Variants in MTF1 observed in about 807,000 individuals in gnomAD.
MTF1 encodes the protein MRE-binding transcription factor.
A neutral mutation model predicts 70.4 loss-of-function variants in MTF1; 22 were observed. The observed-to-expected ratio is 0.31, with a 90% CI of 0.22 to 0.45. The LOEUF is 0.45. Ranked by LOEUF, MTF1 falls within the 20% of genes least tolerant of loss-of-function variation. MTF1 has a pLI of 1.00. For synonymous variants in MTF1, 333 were observed against 352.8 expected, an observed-to-expected ratio of 0.94 and a Z score of 0.63; for missense variants, 649 against 922.0, an observed-to-expected ratio of 0.70 and a Z score of 3.83.
In MTF1 at chr1:37,839,997, G is replaced by A. The variant is rs748122022; in HGVS notation, c.570C>T (p.His190=). ...GCTTCTCCTTCGTGTGCACTCGCAC[G>A]TGGATCCTGAGGCTGTAAGAGGTAA... ...AFLTSYSLRI[H]VRVHTKEKPF... is the part of the protein sequence containing the mutation. The change falls in exon 3 of 11, where the codon CAC becomes CAT. Residue 190 remains histidine, a synonymous_variant. Transcript: ENST00000373036. 12 of 1,614,230 alleles carry A rather than the reference G, an allele frequency of 7.4e-6. No homozygotes were observed. Among genetic ancestry groups the A allele is most frequent in the South Asian group, 3.3e-5 (3 of 91,088 alleles).
chr1:37,849,062 C>G (rs927856463), intron 2 of MTF1, among the ~76,000 whole-genome samples: 1 of 152,256 alleles, frequency 6.6e-6, no homozygotes, highest in East Asian at 1.9e-4. Context: ...AATAACTCTC[C>G]TCTTGGAATG....
rs12723620 is a variant in MTF1, at chr1:37,813,251, A to T, written c.*1885T>A. On this transcript the variant is annotated 3_prime_UTR_variant, in exon 11 of 11. Transcript: ENST00000373036. ...AAGATTGCGCCACTGCACTCCAGCC[A>T]GGGCAACAAAAGCAAAACTCTGTCT... The T allele has an allele frequency of 0.48, 72,359 of 151,896 alleles. 18,192 individuals are homozygous for T. Among genetic ancestry groups the T allele is most frequent in the Non-Finnish European group, 0.54 (36,829 of 67,952 alleles). The allele number at this position is 151,896 out of a possible 1,614,324, so 9.4% of individuals were successfully genotyped here. A position where few individuals can be genotyped will look rare whatever the true frequency, so the allele number is the denominator to read the frequency against.
At chr1:37,853,226 C>T (rs1054495820) in intron 2 of MTF1, among the ~76,000 whole-genome samples, 1 of 152,196 alleles carries the variant, frequency 6.6e-6, no homozygotes, top group Non-Finnish European at 1.5e-5. Context: ...GCTTAGACAC[C>T]TCCAATGGTT....
Position 37,843,612 on chromosome 1 carries a change from C to T in MTF1, c.409-3454G>A, listed in dbSNP as rs926627595. Among the ~76,000 whole-genome samples the T allele has an allele frequency of 5.3e-5, 8 of 152,226 alleles. No homozygotes were observed. The East Asian group carries it at 5.8e-4, about 11-fold the overall frequency. ...CATGTTAAAGTAGCAACAGACAATA[C>T]GTAAATGAACCAGCAAGGCTCTGTT... is the stretch of plus-strand genomic sequence containing the variant. On this transcript the variant is annotated intron_variant, in intron 2 of 10. Transcript: ENST00000373036.
intron 7 of MTF1, among the ~76,000 whole-genome samples, chr1:37,825,798 T>C (rs1311266176): frequency 6.6e-6 from 1 of 152,214 alleles, no homozygotes; most frequent in African/African-American, 2.4e-5. Flanking sequence ...CTCTTCCTTG[T>C]GATTTTCTTA....
In MTF1 at chr1:37,815,471, T is replaced by C; in HGVS notation, c.1927A>G (p.Lys643Glu). 1 of 1,600,928 alleles carries C rather than the reference T, an allele frequency of 6.2e-7. No individual in the cohort carries two copies. The highest frequency in any genetic ancestry group is 1.1e-5 in the South Asian group (1 of 89,284). ...TTTCTCCTGCTGGATGCCCGCTCCTTTGCAGAGTCCCGGCATGCACACTGA... is the reference window on the plus strand; with the variant it reads ...TTTCTCCTGCTGGATGCCCGCTCCTCTGCAGAGTCCCGGCATGCACACTGA... Reference protein sequence around the residue: ...QCQCACRDSAKERASSRRKGC... With the variant: ...QCQCACRDSAEERASSRRKGC... The change falls in exon 11 of 11, where the codon AAG becomes GAG. Residue 643 changes from lysine (K) to glutamate (E), a missense_variant. Coordinates refer to ENST00000373036, the MANE Select transcript of MTF1 (RefSeq NM_005955.3). The surrounding 1 kb of genome is among the most constrained non-coding windows in gnomAD (Gnocchi z 4.5).
rs565901335 is a variant in MTF1 at position 37,857,608 on chromosome 1, T to C, written c.51A>G (p.Glu17=). The change falls in exon 2 of 11, where the codon GAA becomes GAG. Residue 17 remains glutamate, a synonymous_variant. Coordinates refer to ENST00000373036, the MANE Select transcript of MTF1 (RefSeq NM_005955.3). ...DNNIIYFEAE[E]DELTPDDKML... ...TTTTATCATCGGGGGTCAGCTCATC[T>C]TCCTCTGCCTCAAAGTAGATGATGT... 6.2e-7 allele frequency: 1 copy of C among 1,614,150 alleles called. No individual in the cohort carries two copies. Among genetic ancestry groups the C allele is most frequent in the South Asian group, 1.1e-5 (1 of 91,084 alleles).
At chr1:37,819,951 CAAAAAAAAAAAAAAAAAAAAAAAA>C (rs766621404) in intron 9 of MTF1, among the ~76,000 whole-genome samples, 3 of 82,682 alleles carry the variant, frequency 3.6e-5, no homozygotes, top group African/African-American at 1.2e-4. Flanking sequence ...GACTCTGACT[CAAAAAAAAAAAAAAAAAAAAAAAA>C]AAAAAAAAAA....
rs1557582340 is a variant in MTF1 at position 37,811,872 on chromosome 1, GGTGCCCCC to G, written c.*3256_*3263del. Reference sequence around the variant, plus strand: ...ACACCACTTCTGTCACCAAACTGGTGGTGCCCCCATGAGACTGGCCAGACCCTGCCAGC... The same window carrying G: ...ACACCACTTCTGTCACCAAACTGGTGATGAGACTGGCCAGACCCTGCCAGC... On this transcript the variant is annotated 3_prime_UTR_variant, in exon 11 of 11. Transcript: ENST00000373036. 6.5e-6 allele frequency: 1 copy of G among 152,674 alleles called. No individual in the cohort carries two copies. Among genetic ancestry groups the G allele is most frequent in the Non-Finnish European group, 1.5e-5 (1 of 68,050 alleles). 9.5% of individuals were successfully genotyped at this position (152,674 alleles called of 1,614,324 possible).
chr1:37,822,767 G>T, intron 8 of MTF1, 51 bp from the exon 9 acceptor site: 1 of 1,351,116 alleles, frequency 7.4e-7, no homozygotes, highest in Non-Finnish European at 1.0e-6. Context: ...AGCCTTAGAT[G>T]AGCCACAAAA....
intron 6 of MTF1, among the ~76,000 whole-genome samples, chr1:37,833,123 T>A (rs1641114193): frequency 6.6e-6 from 1 of 152,204 alleles, no homozygotes; most frequent in African/African-American, 2.4e-5. Context: ...CCTGGTCTCA[T>A]CATTTACAGT....
At chr1:37,856,137 C>G (rs1009923986) in intron 2 of MTF1, among the ~76,000 whole-genome samples, 1 of 150,670 alleles carries the variant, frequency 6.6e-6, no homozygotes, top group Non-Finnish European at 1.5e-5. Flanking sequence ...TTTAGATAAC[C>G]TGCTCTCATT....
chr1:37,848,530 A>T (rs1311031548), intron 2 of MTF1, among the ~76,000 whole-genome samples: 1 of 152,250 alleles, frequency 6.6e-6, no homozygotes, highest in African/African-American at 2.4e-5. Flanking sequence ...ATATAACAGC[A>T]AAATGTTGGC....
rs1640684461 is a variant in MTF1 at position 37,810,033 on chromosome 1, A to G, written c.*5103T>C. ...GCCACCCTCCCCAAATAGGGACTAG[A>G]AAGAGTTCACAGGAAAAGGGAACAG... On this transcript the variant is annotated 3_prime_UTR_variant, in exon 11 of 11. Transcript: ENST00000373036. The G allele has an allele frequency of 6.6e-6, 1 of 152,322 alleles. No individual in the cohort carries two copies. Among genetic ancestry groups the G allele is most frequent in the African/African-American group, 2.4e-5 (1 of 41,420 alleles). 9.4% of individuals were successfully genotyped at this position (152,322 alleles called of 1,614,324 possible).
rs939087275 is a variant in MTF1, at chr1:37,811,082, A to C, written c.*4054T>G. 6.5e-6 allele frequency: 1 copy of C among 152,674 alleles called. No homozygotes were observed. Among genetic ancestry groups the C allele is most frequent in the African/African-American group, 2.4e-5 (1 of 41,456 alleles). The allele number at this position is 152,674 out of a possible 1,614,324, so 9.5% of individuals were successfully genotyped here. ...TGTGATTACAAATATAAAAGTCTAG[A>C]AGGTGCCAGGTTTCTACCTAGGAAC... On this transcript the variant is annotated 3_prime_UTR_variant, in exon 11 of 11. Transcript: ENST00000373036.
In MTF1 at chr1:37,857,691, T is replaced by C; in HGVS notation, c.-33A>G. The C allele has an allele frequency of 3.1e-6, 5 of 1,601,022 alleles. No homozygotes were observed. The South Asian group carries it at 3.4e-5, about 11-fold the overall frequency. ...TTGTGCTCAGCCCAGTTGTGAGAAA[T>C]GAAAACGTAATGACTTGTCTGCAAC... On this transcript the variant is annotated 5_prime_UTR_variant, in exon 2 of 11. Transcript: ENST00000373036.
At chr1:37,858,027 A>G (rs960128855) in intron 1 of MTF1, among the ~76,000 whole-genome samples, 2 of 151,686 alleles carry the variant, frequency 1.3e-5, no homozygotes, top group Non-Finnish European at 2.9e-5. Context: ...AAAAAAAAAA[A>G]AAAAGAAAAA....
intron 3 of MTF1, 38 bp from the exon 4 acceptor site, chr1:37,838,794 A>ATTAATTTTTTTTTTTTT: frequency 2.0e-6 from 1 of 501,750 alleles, no homozygotes; most frequent in Non-Finnish European, 2.9e-6. Flanking sequence ...TTGTCATAAA[A>ATTAATTTTTTTTTTTTT]TTCTTTTTTT....
Position 37,814,982 on chromosome 1 carries a change from T to G in MTF1, c.*154A>C. The G allele has an allele frequency of 1.5e-6, 1 of 671,942 alleles. No individual in the cohort carries two copies. Among genetic ancestry groups the G allele is most frequent in the South Asian group, 2.0e-5 (1 of 50,014 alleles). 41.6% of individuals were successfully genotyped at this position (671,942 alleles called of 1,614,324 possible). ...AAGAATAGTTCCTTAAAATGGATGC[T>G]CCTGGGATGTGAATAAAGAAAATAC... On this transcript the variant is annotated 3_prime_UTR_variant, in exon 11 of 11. Coordinates refer to ENST00000373036, the MANE Select transcript of MTF1 (RefSeq NM_005955.3).
Sources: allele counts gnomAD v4.1 joint callset (sites outside exome capture counted in the v4.1 genomes callset), GRCh38; gene constraint gnomAD v4.1.1; non-coding constraint Gnocchi (gnomAD v3.1); transcripts MANE v1.5; gene names NCBI Gene and HGNC (gene_info 2026-07-23, HGNC 2026-07-21).